The following LCTL variants were observed in gnomAD, a reference collection of about 807,000 sequenced individuals.
LCTL encodes lactase like.
LCTL carries 76 observed loss-of-function variants against 75.8 expected under a neutral mutation model. That is an observed-to-expected ratio of 1.00 (90% CI 0.83 to 1.21). The LOEUF (loss-of-function observed/expected upper bound fraction) is 1.21. Among genes scored for constraint, LCTL ranks in the 50% most tolerant of loss-of-function variants. The probability of loss-of-function intolerance (pLI) is 0.00; values close to 1 mark genes in which losing one functional copy is unlikely to be tolerated. For missense variants in LCTL, 670 were observed against 712.4 expected, an observed-to-expected ratio of 0.94 and a Z score of 0.68; for synonymous variants, 271 against 268.8, an observed-to-expected ratio of 1.01 and a Z score of -0.08.
chr15:66,563,138 C>G (rs1028483260), intron 4 of LCTL, among the ~76,000 whole-genome samples: 1 of 152,102 alleles, frequency 6.6e-6, no homozygotes, highest in African/African-American at 2.4e-5. Flanking sequence ...GAGGGCTCTT[C>G]TCTCTTGAAT....
At chr15:66,561,417 G>A (rs1447559385) in intron 4 of LCTL, 102 bp from the exon 6 acceptor site, 7 of 1,294,894 alleles carry the variant, frequency 5.4e-6, no homozygotes, top group East Asian at 2.3e-5. Flanking sequence ...GAGGGAGGCC[G>A]CACAGGGAGA....
chr15:66,557,660 T>A (rs1028734886), intron 8 of LCTL, 62 bp downstream of exon 9: 16 of 1,548,714 alleles, frequency 1.0e-5, no homozygotes, highest in Middle Eastern at 1.9e-4. Flanking sequence ...GCCTTTTGCT[T>A]GTTTCACATG....
intron 8 of LCTL, 52 bp downstream of exon 9, chr15:66,557,670 G>A (rs1895769983): frequency 1.3e-6 from 2 of 1,573,748 alleles, no homozygotes; most frequent in Admixed American, 1.7e-5. Flanking sequence ...TGTTTCACAT[G>A]GGCTCAATAA....
intron 11 of LCTL, 150 bp downstream of exon 12, chr15:66,551,512 A>C: frequency 1.6e-6 from 1 of 636,096 alleles, no homozygotes; most frequent in Non-Finnish European, 2.7e-6. Context: ...ATTCTAAGCA[A>C]ATGAGTAAAG....
chr15:66,555,188 A>C lies in LCTL; in HGVS notation c.923-1930T>G, dbSNP rs542858555. 5.3e-5 allele frequency among the ~76,000 whole-genome samples: 8 copies of C among 152,336 alleles called. No individual in the cohort carries two copies. The South Asian group carries it at 1.0e-3, about 20-fold the overall frequency. On this transcript the variant is annotated intron_variant, in intron 8 of 12. Transcript: ENST00000341509. ...TTATTTCAGTTACATTTAGTGACTT[A>C]AGAAAAGCCACCAGCTATCGTCATT... is the stretch of plus-strand genomic sequence containing the variant.
Position 66,557,291 on chromosome 15 carries a change from A to T in LCTL, c.922+431T>A, listed in dbSNP as rs114251374. Among the ~76,000 whole-genome samples, 257 of 152,238 alleles carry T rather than the reference A, an allele frequency of 1.7e-3. 2 individuals are homozygous for T. The highest frequency in any genetic ancestry group is 6.2e-3 in the African/African-American group (256 of 41,540). Reference sequence around the variant, plus strand: ...AAATTGATATATCCCTGTAAGCCTTACTTGTGTTTATTCTCTTCTCCAACA... The same window carrying T: ...AAATTGATATATCCCTGTAAGCCTTTCTTGTGTTTATTCTCTTCTCCAACA... On this transcript the variant is annotated intron_variant, in intron 8 of 12. Transcript: ENST00000341509.
At chr15:66,560,111 T>C (rs529359659) in intron 6 of LCTL, among the ~76,000 whole-genome samples, 131 of 151,912 alleles carry the variant, frequency 8.6e-4, no homozygotes, top group Non-Finnish European at 1.5e-3. Context: ...TTGAGAGCTC[T>C]GCCCTTTAAA....
chr15:66,564,915 C>T, intron 1 of LCTL, 76 bp from the exon 3 acceptor site: 2 of 1,445,082 alleles, frequency 1.4e-6, no homozygotes, highest in African/African-American at 1.4e-5. Context: ...GCTGTGCCTC[C>T]CAGGCCTCAG....
chr15:66,557,807 G>A (rs202013638), exon 8 of LCTL: 78 of 1,613,980 alleles, frequency 4.8e-5, no homozygotes, highest in Non-Finnish European at 5.9e-5. Flanking sequence ...GGTATCTCTC[G>A]GCAGCCTCTA....
rs771848815 is a variant in LCTL, at chr15:66,563,523, A to G, written c.473T>C (p.Leu158Pro). 4 of 1,610,332 alleles carry G rather than the reference A, an allele frequency of 2.5e-6. No individual in the cohort carries two copies. The South Asian group carries it at 3.3e-5, about 13-fold the overall frequency. The change falls in exon 4 of 13, where the codon CTG (leucine) becomes CCG (proline). Residue 158 changes from leucine (L) to proline (P), a missense_variant. Leu to Pro is a moderately conservative substitution (Grantham distance 98). Coordinates refer to ENST00000341509, the Ensembl canonical transcript of LCTL. The stretch of plus-strand genomic sequence containing the variant: ...GCCTGCTCAGGTCCTCACCTGTGGC[A>G]GATCCCAGTGGTGCAAGGTCACGAT...
In LCTL at chr15:66,561,225, C is replaced by CAAAG; in HGVS notation, c.570_571insCTTT (p.Asp191LeufsTer2). 6.2e-7 allele frequency: 1 copy of CAAAG among 1,614,222 alleles called. No individual in the cohort carries two copies. Among genetic ancestry groups the CAAAG allele is most frequent in the Non-Finnish European group, 8.5e-7 (1 of 1,180,036 alleles). ...AACGTGATCCAGTGCTTCACACGGT[C>CAAAG]CCCAAAGGCCTCAAAGCACAGGTTG... On this transcript the variant is annotated frameshift_variant, in exon 5 of 13. Coordinates refer to ENST00000341509, the Ensembl canonical transcript of LCTL. LOFTEE classifies it high-confidence loss of function.
chr15:66,564,910 G>A (rs896203175), intron 1 of LCTL, 71 bp from the exon 3 acceptor site: 2 of 1,444,488 alleles, frequency 1.4e-6, no homozygotes, highest in Non-Finnish European at 1.9e-6. Flanking sequence ...TCTGGGCTGT[G>A]CCTCCCAGGC....
chr15:66,563,289 A>G (rs1402654410), intron 4 of LCTL, among the ~76,000 whole-genome samples: 4 of 152,230 alleles, frequency 2.6e-5, no homozygotes, highest in Non-Finnish European at 5.9e-5. Flanking sequence ...GGGAAGATAC[A>G]TTCCCGTTCT....
chr15:66,562,040 C>A (rs566590111), intron 4 of LCTL, among the ~76,000 whole-genome samples: 14 of 152,176 alleles, frequency 9.2e-5, no homozygotes, highest in African/African-American at 2.9e-4. Flanking sequence ...ATCAGAACAC[C>A]CTTTCCTCCC....
At chr15:66,564,506 A>C in intron 2 of LCTL, 170 bp downstream of exon 3, 4 of 716,734 alleles carry the variant, frequency 5.6e-6, no homozygotes, top group Non-Finnish European at 6.6e-6. Flanking sequence ...CTTCACCCCC[A>C]CTGGCCCTGC....
intron 8 of LCTL, among the ~76,000 whole-genome samples, chr15:66,555,315 G>A (rs1301790049): frequency 7.4e-6 from 1 of 134,526 alleles, no homozygotes; most frequent in East Asian, 2.1e-4. Flanking sequence ...TTTTTTTTTT[G>A]AGATGGAGTC....
intron 6 of LCTL, among the ~76,000 whole-genome samples, chr15:66,560,771 A>T (rs1895865084): frequency 6.6e-6 from 1 of 152,202 alleles, no homozygotes; most frequent in Admixed American, 6.5e-5. Context: ...TTCCACATGG[A>T]TGTCCCCTTG....
chr15:66,560,576 T>G (rs192911671), intron 6 of LCTL, among the ~76,000 whole-genome samples: 2 of 152,286 alleles, frequency 1.3e-5, no homozygotes, highest in Admixed American at 1.3e-4. Context: ...AAACTAGTTT[T>G]CCTTCCTCCT....
upstream of LCTL, chr15:66,565,624 G>A (rs1421003925): frequency 8.6e-6 from 4 of 465,236 alleles, no homozygotes; most frequent in Admixed American, 4.2e-5. Flanking sequence ...TGATGGGGGA[G>A]ACCCAGCCCA....
Sources: allele counts gnomAD v4.1 joint callset (sites outside exome capture counted in the v4.1 genomes callset), GRCh38; gene constraint gnomAD v4.1.1; transcripts MANE v1.5; gene names NCBI Gene and HGNC (gene_info 2026-07-23, HGNC 2026-07-21).